Variants in RALGAPB observed in about 807,000 individuals in gnomAD.
The protein encoded by RALGAPB is Ral GTPase activating protein non-catalytic subunit beta.
RALGAPB carries 25 observed loss-of-function variants against 161.1 expected under a neutral mutation model. The ratio of observed to expected loss-of-function variants is 0.16; its 90% CI spans 0.11 to 0.22. The LOEUF is 0.22. Among genes scored for constraint, RALGAPB ranks in the 10% least tolerant of loss-of-function variants. The pLI, the probability that RALGAPB is intolerant of heterozygous loss-of-function variation, is 1.00. For missense variants in RALGAPB, 1,391 were observed against 1,815.2 expected (o/e 0.77, Z 4.25); for synonymous variants, 629 against 626.1 (o/e 1.00, Z -0.07).
At chr20:38,509,024 G>A (rs2085854551) in intron 5 of RALGAPB, 53 bp from the exon 6 acceptor site, 11 of 1,575,924 alleles carry the variant, frequency 7.0e-6, no homozygotes, top group Non-Finnish European at 9.6e-6. Context: ...ATGCTTGAGT[G>A]TATTTTTCAA....
chr20:38,474,260 C>G (rs1015544990), intron 1 of RALGAPB, among the ~76,000 whole-genome samples: 5 of 152,156 alleles, frequency 3.3e-5, no homozygotes, highest in Non-Finnish European at 7.3e-5. Context: ...CTTCTGCTCT[C>G]TCCTATATGC....
At chr20:38,532,976 T>G in intron 15 of RALGAPB, 117 bp downstream of exon 15, 1 of 1,157,668 alleles carries the variant, frequency 8.6e-7, no homozygotes. Flanking sequence ...TTAAGTATAA[T>G]AGAGAGGATG....
chr20:38,564,848 T>C (rs2087927438), intron 24 of RALGAPB, among the ~76,000 whole-genome samples: 2 of 151,930 alleles, frequency 1.3e-5, no homozygotes, highest in South Asian at 4.2e-4. Flanking sequence ...TCTCTCTTCT[T>C]CTCTCTCTCT....
intron 24 of RALGAPB, among the ~76,000 whole-genome samples, chr20:38,564,944 C>CCTCT: frequency 6.7e-6 from 1 of 148,530 alleles, no homozygotes; most frequent in African/African-American, 2.5e-5. Flanking sequence ...CCTCTTCCCC[C>CCTCT]CTCTCTCTCT....
At chr20:38,560,551 A>C (rs2087751938) in intron 23 of RALGAPB, among the ~76,000 whole-genome samples, 1 of 152,202 alleles carries the variant, frequency 6.6e-6, no homozygotes, top group Non-Finnish European at 1.5e-5. Flanking sequence ...CGATGGAGTC[A>C]AGTGTTTTAG....
chr20:38,557,837 A>G (rs747656076), intron 22 of RALGAPB, among the ~76,000 whole-genome samples: 8 of 152,352 alleles, frequency 5.3e-5, no homozygotes, highest in Non-Finnish European at 1.2e-4. Context: ...TAAAGCTGCT[A>G]TAAACATTTG....
chr20:38,570,749 A>C lies in RALGAPB; in HGVS notation c.4064-20A>C. On this transcript the variant is annotated intron_variant, in intron 27 of 29. Coordinates refer to ENST00000262879, the MANE Select transcript of RALGAPB (RefSeq NM_020336.4). ...GAAAATGAGGGAGATATTAATTGTA[A>C]TGCTATTATTTTCTTCCAGAAAACT... 1 of 1,480,732 alleles carries C rather than the reference A, an allele frequency of 6.8e-7. No homozygotes were observed. The highest frequency in any genetic ancestry group is 9.4e-7 in the Non-Finnish European group (1 of 1,062,782). 91.7% of individuals were successfully genotyped at this position (1,480,732 alleles called of 1,614,324 possible). A position where few individuals can be genotyped will look rare whatever the true frequency, so the allele number is the denominator to read the frequency against.
rs764810828 is a variant in RALGAPB, at chr20:38,525,921, C to T, written c.1929C>T (p.Asn643=). The T allele has an allele frequency of 6.8e-6, 11 of 1,613,154 alleles. No individual in the cohort carries two copies. Among genetic ancestry groups the T allele is most frequent in the East Asian group, 4.5e-5 (2 of 44,896 alleles). ...SEVVLEGKFS[N]DDSSSYDKPI... is the part of the protein sequence containing the mutation. ...TGGTCCTGGAAGGAAAGTTTAGTAA[C>T]GATGACAGCTCTTCTTATGATAAAC... Residue 643 remains asparagine (N), a synonymous_variant, in exon 13 of 30, where the codon AAC becomes AAT. Transcript: ENST00000262879.
chr20:38,485,956 C>G (rs1377463623), intron 1 of RALGAPB, among the ~76,000 whole-genome samples: 6 of 129,578 alleles, frequency 4.6e-5, no homozygotes, highest in African/African-American at 1.7e-4. Context: ...TCATTGTATC[C>G]TTTCTATATC....
chr20:38,572,558 G>C (rs2088279590), intron 28 of RALGAPB, among the ~76,000 whole-genome samples: 1 of 152,162 alleles, frequency 6.6e-6, no homozygotes, highest in Non-Finnish European at 1.5e-5. Flanking sequence ...TATGTGAGCT[G>C]ATTCAAATTG....
Position 38,548,884 on chromosome 20 carries a change from A to G in RALGAPB, c.3009+89A>G. ...CCAACAGAAGACACAGATCAAATAA[A>G]TATTTTTGATCCCTAGCCAGATTCT... On this transcript the variant is annotated intron_variant, in intron 20 of 29. Coordinates refer to ENST00000262879, the MANE Select transcript of RALGAPB (RefSeq NM_020336.4). 4 of 1,130,650 alleles carry G rather than the reference A, an allele frequency of 3.5e-6. No homozygotes were observed. The South Asian group carries it at 3.9e-5, about 11-fold the overall frequency. 70.0% of individuals were successfully genotyped at this position (1,130,650 alleles called of 1,614,324 possible).
chr20:38,563,459 A>G (rs1433040598), intron 24 of RALGAPB, among the ~76,000 whole-genome samples: 1 of 152,238 alleles, frequency 6.6e-6, no homozygotes, highest in Non-Finnish European at 1.5e-5. Flanking sequence ...ACAGCTGACC[A>G]TCTCTGAGGA....
intron 5 of RALGAPB, 146 bp downstream of exon 5, chr20:38,499,779 T>C (rs1418687787): frequency 1.5e-6 from 1 of 668,550 alleles, no homozygotes; most frequent in Non-Finnish European, 2.2e-6. Context: ...AATATAGATA[T>C]AACAGTTTGG....
chr20:38,487,294 A>G (rs559321958), intron 1 of RALGAPB, among the ~76,000 whole-genome samples: 3 of 151,970 alleles, frequency 2.0e-5, no homozygotes, highest in African/African-American at 7.2e-5. Flanking sequence ...AAGGTAGTGT[A>G]TGCAATTCCC....
At chr20:38,565,965 A>C (rs749124441) in intron 25 of RALGAPB, among the ~76,000 whole-genome samples, 10 of 152,158 alleles carry the variant, frequency 6.6e-5, no homozygotes, top group Non-Finnish European at 1.2e-4. Context: ...AAGAATTGGG[A>C]GTAATTATTA....
chr20:38,504,658 A>G (rs1289416512), intron 5 of RALGAPB, among the ~76,000 whole-genome samples: 2 of 152,212 alleles, frequency 1.3e-5, no homozygotes, highest in South Asian at 4.1e-4. Flanking sequence ...AGAATGGGAG[A>G]AAATATTCAC....
chr20:38,561,048 C>CG (rs2087767730), intron 23 of RALGAPB, among the ~76,000 whole-genome samples: 1 of 152,160 alleles, frequency 6.6e-6, no homozygotes, highest in Non-Finnish European at 1.5e-5. Flanking sequence ...GGTTTTAGGC[C>CG]GGGTGTGGTG....
At chr20:38,572,366 G>A (rs1270585558) in intron 28 of RALGAPB, among the ~76,000 whole-genome samples, 1 of 152,160 alleles carries the variant, frequency 6.6e-6, no homozygotes, top group East Asian at 1.9e-4. Flanking sequence ...GAGTTCAACA[G>A]TTATTTTCTG....
chr20:38,563,922 A>G (rs376952664), intron 24 of RALGAPB, among the ~76,000 whole-genome samples: 1 of 152,198 alleles, frequency 6.6e-6, no homozygotes, highest in African/African-American at 2.4e-5. Context: ...TTACATTCAC[A>G]TACCACAGCA....
Sources: gnomAD v4.1 joint callset for allele counts (sites outside exome capture counted in the v4.1 genomes callset) on GRCh38, gnomAD v4.1.1 for gene constraint, MANE v1.5 for transcripts, NCBI Gene and HGNC (gene_info 2026-07-23, HGNC 2026-07-21) for gene names.